The following MACROD2 variants were observed in gnomAD, a reference collection of about 807,000 sequenced individuals.
MACROD2 encodes ADP-ribose glycohydrolase MACROD2.
A neutral mutation model predicts 70.4 loss-of-function variants in MACROD2; 36 were observed. The ratio of observed to expected loss-of-function variants is 0.51; its 90% confidence interval spans 0.39 to 0.68. The LOEUF is 0.68. Ranked by LOEUF, MACROD2 falls within the 30% of genes least tolerant of loss-of-function variation. MACROD2 has a pLI of 0.00. For synonymous variants in MACROD2, 172 were observed against 178.8 expected, an observed-to-expected ratio of 0.96 and a Z score of 0.30; for missense variants, 496 against 538.4, an observed-to-expected ratio of 0.92 and a Z score of 0.78.
chr20:14,724,346 T>A (rs538227885), intron 5 of MACROD2, among the ~76,000 whole-genome samples: 1 of 152,172 alleles, frequency 6.6e-6, no homozygotes, highest in Non-Finnish European at 1.5e-5. Flanking sequence ...AAAATGGGGA[T>A]AATAATAGTT....
At chr20:14,283,036 G>A (rs2122413779) in intron 3 of MACROD2, among the ~76,000 whole-genome samples, 1 of 152,254 alleles carries the variant, frequency 6.6e-6, no homozygotes, top group East Asian at 1.9e-4. Context: ...CCATATTTGA[G>A]GACAGTAGAA....
intron 3 of MACROD2, among the ~76,000 whole-genome samples, chr20:14,208,481 T>A (rs2081544080): frequency 6.6e-6 from 1 of 152,138 alleles, no homozygotes; most frequent in Non-Finnish European, 1.5e-5. Flanking sequence ...TAGCTACAAC[T>A]CAGTTGTCAC....
Position 15,862,739 on chromosome 20 carries a change from C to T in MACROD2, c.646-6C>T, listed in dbSNP as rs773059013. The stretch of plus-strand genomic sequence containing the variant: ...TCACTTTGAGTGTTTTATCTTTTGC[C>T]TCTAGGTGGATCGGATCATTTTCTG... On this transcript the variant is annotated splice_region_variant and splice_polypyrimidine_tract_variant and intron_variant, in intron 8 of 17. Coordinates refer to ENST00000684519, the MANE Select transcript of MACROD2 (RefSeq NM_001351661.2). The T allele has an allele frequency of 6.2e-7, 1 of 1,608,822 alleles. No individual in the cohort carries two copies. Among genetic ancestry groups the T allele is most frequent in the South Asian group, 1.1e-5 (1 of 90,426 alleles).
chr20:15,409,013 A>G (rs765814052), intron 6 of MACROD2, among the ~76,000 whole-genome samples: 1 of 152,070 alleles, frequency 6.6e-6, no homozygotes, highest in African/African-American at 2.4e-5. Flanking sequence ...TTTTTTCTTT[A>G]TACTTTCTTC....
intron 3 of MACROD2, among the ~76,000 whole-genome samples, chr20:14,281,518 A>G (rs994520851): frequency 6.6e-6 from 1 of 152,190 alleles, no homozygotes; most frequent in Non-Finnish European, 1.5e-5. Context: ...AACTTTGTGA[A>G]TATATTTAAA....
chr20:15,726,221 T>C (rs915012009), intron 8 of MACROD2, among the ~76,000 whole-genome samples: 3 of 152,138 alleles, frequency 2.0e-5, no homozygotes, highest in Non-Finnish European at 4.4e-5. Context: ...TTAGGATAAT[T>C]GCCCCCAGCT....
intron 2 of MACROD2, among the ~76,000 whole-genome samples, chr20:14,027,805 C>T (rs1432727964): frequency 6.6e-6 from 1 of 152,160 alleles, no homozygotes; most frequent in Non-Finnish European, 1.5e-5. Context: ...AGAAGGGCAC[C>T]TGCCAGATGC....
intron 2 of MACROD2, among the ~76,000 whole-genome samples, chr20:14,021,974 A>G (rs1222078186): frequency 6.6e-6 from 1 of 152,238 alleles, no homozygotes; most frequent in East Asian, 1.9e-4. Context: ...TTGGAAGTAC[A>G]ATGGTACACC....
chr20:15,653,997 G>A (rs189212996), intron 8 of MACROD2, among the ~76,000 whole-genome samples: 30 of 151,784 alleles, frequency 2.0e-4, no homozygotes, highest in Non-Finnish European at 4.3e-4. Context: ...ATGTCCCTCC[G>A]ACTAGGGCAG....
intron 5 of MACROD2, among the ~76,000 whole-genome samples, chr20:15,060,324 G>A (rs1810403103): frequency 6.6e-6 from 1 of 152,266 alleles, no homozygotes; most frequent in Non-Finnish European, 1.5e-5. Flanking sequence ...GGTGACAGTC[G>A]CAGAGATGCT....
rs184820761 is a variant in MACROD2 at position 15,403,089 on chromosome 20, C to G, written c.541-28316C>G. 9.2e-3 allele frequency among the ~76,000 whole-genome samples: 1,407 copies of G among 152,112 alleles called. 35 individuals are homozygous for G. The highest frequency in any genetic ancestry group is 0.032 in the African/African-American group (1,344 of 41,482). On this transcript the variant is annotated intron_variant, in intron 6 of 17. Transcript: ENST00000684519. ...TCAAGCGATTCTCCTGCCTTAGCCT[C>G]CCAAGTAGCTGGGATTATAGGCACC...
At chr20:15,885,742 AT>A (rs778286185) in intron 9 of MACROD2, 21 bp from the exon 10 acceptor site, 2 of 1,467,624 alleles carry the variant, frequency 1.4e-6, no homozygotes, top group East Asian at 5.2e-5. Context: ...GTATTTCTTT[AT>A]GTTTTCCTAT....
At chr20:14,057,768 T>C (rs1165706976) in intron 2 of MACROD2, among the ~76,000 whole-genome samples, 1 of 152,132 alleles carries the variant, frequency 6.6e-6, no homozygotes, top group Non-Finnish European at 1.5e-5. Context: ...GAAACAAAAA[T>C]GGCCATCAGC....
intron 2 of MACROD2, among the ~76,000 whole-genome samples, chr20:14,051,639 A>G (rs1350681900): frequency 6.6e-6 from 1 of 152,214 alleles, no homozygotes; most frequent in East Asian, 1.9e-4. Context: ...TCAACCCATC[A>G]TCTTTTTTGG....
Position 14,577,794 on chromosome 20 carries a change from A to AAGAGAAGAGAAGAGAAGAGAAGAG in MACROD2, c.301+84287_301+84288insGAGAAGAGAAGAGAAGAGAAGAGA, listed in dbSNP as rs1980697589. On this transcript the variant is annotated intron_variant, in intron 4 of 17. Coordinates refer to ENST00000684519, the MANE Select transcript of MACROD2 (RefSeq NM_001351661.2). The stretch of plus-strand genomic sequence containing the variant: ...AAGATCATTTCTTAAAAAGAAAAGG[A>AAGAGAAGAGAAGAGAAGAGAAGAG]AAGAGAAGAGAAGAGAAGAGAAGAG... Among the ~76,000 whole-genome samples, 5 of 137,730 alleles carry AAGAGAAGAGAAGAGAAGAGAAGAG rather than the reference A, an allele frequency of 3.6e-5. No homozygotes were observed. The South Asian group carries it at 1.0e-3, about 29-fold the overall frequency. 90.4% of individuals were successfully genotyped at this position (137,730 alleles called of 152,430 possible).
rs79192384 is a variant in MACROD2, at chr20:15,995,210, T to C, written c.1153+8052T>C. Among the ~76,000 whole-genome samples, 626 of 152,244 alleles carry C rather than the reference T, an allele frequency of 4.1e-3. 1 individual carries two copies. The highest frequency in any genetic ancestry group is 0.013 in the African/African-American group (557 of 41,544). On this transcript the variant is annotated intron_variant, in intron 15 of 17. Transcript: ENST00000684519. ...TATTCATACATTCCACAAATGCTTT[T>C]AATGCACATGTAATATGTGCCAGAA...
At chr20:15,284,408 G>A (rs1211079902) in intron 6 of MACROD2, among the ~76,000 whole-genome samples, 1 of 152,084 alleles carries the variant, frequency 6.6e-6, no homozygotes, top group Non-Finnish European at 1.5e-5. Flanking sequence ...TAGTTTTGTA[G>A]CTAATGGACT....
intron 4 of MACROD2, among the ~76,000 whole-genome samples, chr20:14,664,081 T>A (rs2070710179): frequency 6.6e-6 from 1 of 152,144 alleles, no homozygotes; most frequent in South Asian, 2.1e-4. Flanking sequence ...AACAACATAT[T>A]TTTAATTTTG....
chr20:14,636,223 A>G (rs1475359279), intron 4 of MACROD2, among the ~76,000 whole-genome samples: 3 of 152,030 alleles, frequency 2.0e-5, no homozygotes, highest in African/African-American at 4.8e-5. Context: ...TTCATGATAG[A>G]ATTTGTTTCG....
Sources: allele counts gnomAD v4.1 joint callset (sites outside exome capture counted in the v4.1 genomes callset), GRCh38; gene constraint gnomAD v4.1.1; transcripts MANE v1.5; gene names NCBI Gene and HGNC (gene_info 2026-07-23, HGNC 2026-07-21).